Variants in TRMT11 observed in about 807,000 individuals in gnomAD.
TRMT11 encodes tRNA methyltransferase 11, also known as tRNA (guanine(10)-N(2))-methyltransferase TRMT11.
In TRMT11, 53 loss-of-function variants were observed where a neutral mutation model predicts 62.8. The observed-to-expected ratio is 0.84, with a 90% CI of 0.68 to 1.06. The LOEUF is 1.06. Among genes scored for constraint, TRMT11 ranks in the 50% least tolerant of loss-of-function variants. TRMT11 has a pLI of 0.00. For missense variants in TRMT11, 556 were observed against 553.4 expected (o/e 1.00, Z -0.05); for synonymous variants, 188 against 190.3 (o/e 0.99, Z 0.10).
At chr6:126,099,548 C>A (rs1411322452) in intron 17 of TRMT11, among the ~76,000 whole-genome samples, 1 of 152,106 alleles carries the variant, frequency 6.6e-6, no homozygotes, top group African/African-American at 2.4e-5. Flanking sequence ...GGAGTGCAAG[C>A]CCAGCCTGGC....
chr6:126,221,788 C>T, the TRMT11 span, among the ~76,000 whole-genome samples: 1 of 152,122 alleles, frequency 6.6e-6, no homozygotes, highest in Non-Finnish European at 1.5e-5. Context: ...GTTTCTTTTG[C>T]TGCATAAACT....
chr6:125,996,557 CT>C (rs1562239537), intron 3 of TRMT11, among the ~76,000 whole-genome samples: 1 of 152,080 alleles, frequency 6.6e-6, no homozygotes, highest in Non-Finnish European at 1.5e-5. Context: ...TGTTTCTAGA[CT>C]TTATCATTGG....
chr6:126,161,166 G>A (rs1030236906), intron 21 of TRMT11, among the ~76,000 whole-genome samples: 8 of 152,058 alleles, frequency 5.3e-5, no homozygotes, highest in African/African-American at 1.9e-4. Context: ...GTGCCATGGT[G>A]GTTTGCTGCA....
chr6:126,032,874 A>G (rs1170524025), intron 12 of TRMT11, among the ~76,000 whole-genome samples: 1 of 152,186 alleles, frequency 6.6e-6, no homozygotes, highest in Non-Finnish European at 1.5e-5. Context: ...TATTTAAATC[A>G]TCCATTTAAA....
intron 12 of TRMT11, among the ~76,000 whole-genome samples, chr6:126,036,943 T>C (rs1420183260): frequency 6.6e-6 from 1 of 152,114 alleles, no homozygotes; most frequent in Admixed American, 6.6e-5. Context: ...TCAGCTTCCC[T>C]GTGGCTCTTA....
chr6:126,139,969 A>G (rs965871154), intron 21 of TRMT11, among the ~76,000 whole-genome samples: 2 of 152,056 alleles, frequency 1.3e-5, no homozygotes, highest in Non-Finnish European at 2.9e-5. Flanking sequence ...ATAGATAATG[A>G]TAGTATTTTG....
chr6:126,105,634 T>A (rs1354512744), intron 17 of TRMT11, among the ~76,000 whole-genome samples: 2 of 151,992 alleles, frequency 1.3e-5, no homozygotes. Flanking sequence ...ATTCTATGGA[T>A]TGAGATGGTT....
chr6:126,217,232 T>C, the TRMT11 span, among the ~76,000 whole-genome samples: 1 of 152,258 alleles, frequency 6.6e-6, no homozygotes, highest in South Asian at 2.1e-4. Context: ...ATTGGTCCTT[T>C]ATGTCTTATT....
chr6:126,099,730 G>C (rs757991119), intron 17 of TRMT11, among the ~76,000 whole-genome samples: 1 of 152,166 alleles, frequency 6.6e-6, no homozygotes, highest in Non-Finnish European at 1.5e-5. Context: ...CTGAGTGACA[G>C]AGCAAGACTC....
At position 126,005,813 on chromosome 6, in the gene TRMT11, C is replaced by T. The variant is rs369807584; in HGVS notation, c.680-2579C>T. ...GCCAGTTGCTTTAGGTAGCACAGAA[C>T]TCTGCAGCCGTAGATCTGATCCCCT... On this transcript the variant is annotated intron_variant, in intron 7 of 12. Transcript: ENST00000334379. Among the ~76,000 whole-genome samples, 7 of 152,066 alleles carry T rather than the reference C, an allele frequency of 4.6e-5. No homozygotes were observed. The East Asian group carries it at 7.7e-4, about 17-fold the overall frequency.
Position 126,096,793 on chromosome 6 carries a change from A to G in TRMT11, c.*1438-16073A>G, listed in dbSNP as rs146003519. 5.4e-3 allele frequency among the ~76,000 whole-genome samples: 827 copies of G among 152,330 alleles called. 4 individuals carry two copies. Among genetic ancestry groups the G allele is most frequent in the Admixed American group, 8.8e-3 (134 of 15,302 alleles). The stretch of plus-strand genomic sequence containing the variant: ...CTATAAATAGTTTTTGGCTTGTACC[A>G]GGAATCTGTCTCTTGCTAATATTTT... On this transcript the variant is annotated intron_variant and NMD_transcript_variant, in intron 17 of 22. Transcript: ENST00000648977.
At chr6:126,133,957 A>G (rs972559035) in intron 21 of TRMT11, among the ~76,000 whole-genome samples, 58 of 152,048 alleles carry the variant, frequency 3.8e-4, no homozygotes, top group African/African-American at 1.2e-3. Context: ...AACCTTCTGT[A>G]ATGAGTTGAG....
At chr6:126,153,005 C>T (rs979915366) in intron 21 of TRMT11, among the ~76,000 whole-genome samples, 1 of 152,186 alleles carries the variant, frequency 6.6e-6, no homozygotes, top group Non-Finnish European at 1.5e-5. Flanking sequence ...GATACTTCAT[C>T]TGCAAAATTG....
intron 1 of TRMT11, among the ~76,000 whole-genome samples, chr6:125,992,267 T>A (rs1790749865): frequency 6.6e-6 from 1 of 152,192 alleles, no homozygotes; most frequent in Admixed American, 6.5e-5. Flanking sequence ...CACCTAACTC[T>A]TAGGATCTTT....
chr6:126,235,842 T>G, the TRMT11 span, among the ~76,000 whole-genome samples: 1 of 152,190 alleles, frequency 6.6e-6, no homozygotes, highest in Non-Finnish European at 1.5e-5. Flanking sequence ...ATCCTGCACA[T>G]GTACCCCTGA....
intron 17 of TRMT11, among the ~76,000 whole-genome samples, chr6:126,094,425 G>A (rs1777317719): frequency 6.6e-6 from 1 of 152,162 alleles, no homozygotes; most frequent in Non-Finnish European, 1.5e-5. Flanking sequence ...TTTTGTGTCA[G>A]TGTTGACACA....
At chr6:126,111,794 C>T (rs935113362) in intron 17 of TRMT11, among the ~76,000 whole-genome samples, 2 of 152,042 alleles carry the variant, frequency 1.3e-5, no homozygotes, top group South Asian at 2.1e-4. Flanking sequence ...AGTTCAGATG[C>T]CTGGCACAAT....
chr6:126,145,637 G>A (rs949774125), intron 21 of TRMT11, among the ~76,000 whole-genome samples: 9 of 152,230 alleles, frequency 5.9e-5, no homozygotes, highest in Non-Finnish European at 7.4e-5. Flanking sequence ...GGTCAGTAAC[G>A]ACTTCCATGG....
chr6:126,037,702 AT>A (rs1160722275), intron 12 of TRMT11, among the ~76,000 whole-genome samples: 1 of 151,870 alleles, frequency 6.6e-6, no homozygotes, highest in East Asian at 1.9e-4. Flanking sequence ...CTAAACCTGG[AT>A]TTTTTTTATT....
Sources: allele counts gnomAD v4.1 joint callset (sites outside exome capture counted in the v4.1 genomes callset), GRCh38; gene constraint gnomAD v4.1.1; transcripts MANE v1.5; gene names NCBI Gene and HGNC (gene_info 2026-07-23, HGNC 2026-07-21).